The following PPP2R2C variants were observed in gnomAD, a reference collection of about 807,000 sequenced individuals.
PPP2R2C encodes the protein protein phosphatase 2 regulatory subunit Bgamma, also known as protein phosphatase 2, regulatory subunit B, gamma.
A neutral mutation model predicts 45.3 loss-of-function variants in PPP2R2C; 10 were observed. The observed-to-expected ratio is 0.22, with a 90% CI of 0.14 to 0.37. The LOEUF (loss-of-function observed/expected upper bound fraction) is 0.37. Among genes scored for constraint, PPP2R2C ranks in the 10% least tolerant of loss-of-function variants. The pLI is 1.00. For synonymous variants in PPP2R2C, 257 were observed against 245.4 expected (o/e 1.05, Z -0.44); for missense variants, 308 against 619.7 (o/e 0.50, Z 5.34).
At chr4:6,350,331 C>A (rs947106826) in intron 5 of PPP2R2C, 24 of 985,368 alleles carry the variant, frequency 2.4e-5, no homozygotes, top group Admixed American at 6.1e-5. Context: ...CTGAACTTCA[C>A]TAAAGTGGGA....
At chr4:6,450,224 G>C (rs1470133872) in intron 1 of PPP2R2C, among the ~76,000 whole-genome samples, 1 of 12,172 alleles carries the variant, frequency 8.2e-5, no homozygotes, top group Non-Finnish European at 7.7e-3. Flanking sequence ...CTATGGGGTG[G>C]AGTGGGGGGG....
intron 1 of PPP2R2C, among the ~76,000 whole-genome samples, chr4:6,423,272 C>T (rs570753000): frequency 6.6e-5 from 10 of 152,298 alleles, no homozygotes; most frequent in East Asian, 1.9e-4. Flanking sequence ...GGTGCAATCT[C>T]GGCTCACTGC....
chr4:6,477,752 A>AAG (rs1491018946), intron 2 of PPP2R2C, among the ~76,000 whole-genome samples: 1 of 145,794 alleles, frequency 6.9e-6, no homozygotes, highest in Non-Finnish European at 1.5e-5. Flanking sequence ...AAAAAAAAAA[A>AAG]ACTGGAACTG....
intron 1 of PPP2R2C, among the ~76,000 whole-genome samples, chr4:6,546,319 G>A (rs1363410173): frequency 1.3e-5 from 2 of 152,240 alleles, no homozygotes; most frequent in African/African-American, 4.8e-5. Flanking sequence ...GGGTGCACTG[G>A]AGGGGCCGTT....
rs563983100 is a variant in PPP2R2C, at chr4:6,381,078, G to T, written c.87C>A (p.Thr29=). The change falls in exon 2 of 9, where the codon ACC becomes ACA. Residue 29 remains threonine (T), a synonymous_variant. Transcript: ENST00000382599. ...GCTCTCCCGTGTGGTTGAACTCAAC[G>T]GTAGAGATGATGTCAGCTGGGAGGG... ...SYVTEADIIS[T]VEFNHTGELL... 2 of 1,594,704 alleles carry T rather than the reference G, an allele frequency of 1.3e-6. No homozygotes were observed. The highest frequency in any genetic ancestry group is 2.3e-5 in the East Asian group (1 of 44,250).
At chr4:6,370,722 C>T in intron 5 of PPP2R2C, among the ~76,000 whole-genome samples, 1 of 152,192 alleles carries the variant, frequency 6.6e-6, no homozygotes, top group East Asian at 1.9e-4. Context: ...CCCCTGAAGC[C>T]ACCTGGCCCG....
Position 6,378,401 on chromosome 4 carries a change from C to A in PPP2R2C, c.334+6G>T. 1.2e-6 allele frequency: 2 copies of A among 1,614,164 alleles called. No individual in the cohort carries two copies. Among genetic ancestry groups the A allele is most frequent in the South Asian group, 1.1e-5 (1 of 91,080 alleles). ...CCCATGCAAGCGAGGCCGGGCAGCG[C>A]CTCACCGTTGGTGGACAGGAGTGAG... On this transcript the variant is annotated splice_donor_region_variant and intron_variant, in intron 3 of 8. Coordinates refer to ENST00000382599, the MANE Select transcript of PPP2R2C (RefSeq NM_020416.4). The surrounding 1 kb of genome is among the most constrained non-coding windows in gnomAD (Gnocchi z 5.2).
At chr4:6,557,257 C>A (rs1011098525) in intron 1 of PPP2R2C, among the ~76,000 whole-genome samples, 5 of 152,068 alleles carry the variant, frequency 3.3e-5, no homozygotes, top group South Asian at 2.1e-4. Context: ...TTGGTGTTAT[C>A]CAAACACACC....
Position 6,333,772 on chromosome 4 carries a change from C to A in PPP2R2C, c.791-41G>T, listed in dbSNP as rs1732613990. 3 of 1,610,584 alleles carry A rather than the reference C, an allele frequency of 1.9e-6. No homozygotes were observed. The East Asian group carries it at 6.7e-5, about 36-fold the overall frequency. On this transcript the variant is annotated intron_variant, in intron 6 of 8. Transcript: ENST00000382599. The stretch of plus-strand genomic sequence containing the variant: ...AGCAATGGCCGTCACTGCGCTGCTC[C>A]CGCCCATGGGGTTGGCACGACGGAT...
chr4:6,463,185 T>C (rs1361427175), intron 1 of PPP2R2C, among the ~76,000 whole-genome samples: 3 of 152,256 alleles, frequency 2.0e-5, no homozygotes, highest in African/African-American at 7.2e-5. Context: ...CATTCAATTC[T>C]GCCTGAAAGC....
chr4:6,556,754 C>T (rs2108844426), intron 1 of PPP2R2C, among the ~76,000 whole-genome samples: 1 of 152,136 alleles, frequency 6.6e-6, no homozygotes, highest in Middle Eastern at 3.4e-3. Flanking sequence ...ACATGAGCAA[C>T]CAGATTCTCC....
At chr4:6,543,546 C>T (rs907228389) in intron 1 of PPP2R2C, among the ~76,000 whole-genome samples, 6 of 152,198 alleles carry the variant, frequency 3.9e-5, no homozygotes, top group Admixed American at 2.0e-4. Flanking sequence ...CCTGGCCAAA[C>T]CCCGTCTCTA....
intron 6 of PPP2R2C, 50 bp downstream of exon 6, chr4:6,347,796 C>CCCCCCCCGGCCCCAG: frequency 1.0e-6 from 1 of 967,134 alleles, no homozygotes; most frequent in Non-Finnish European, 1.5e-6. Context: ...ACATCCCACC[C>CCCCCCCCGGCCCCAG]GCCCGCCTGC....
At chr4:6,381,766 C>T in intron 1 of PPP2R2C, 2 of 1,608,760 alleles carry the variant, frequency 1.2e-6, no homozygotes, top group Non-Finnish European at 1.7e-6. Flanking sequence ...CTTATGGAGT[C>T]ACCCCCATAC....
intron 2 of PPP2R2C, among the ~76,000 whole-genome samples, chr4:6,494,742 G>A (rs1722819016): frequency 6.6e-6 from 1 of 152,242 alleles, no homozygotes; most frequent in African/African-American, 2.4e-5. Context: ...AGGGATGCAT[G>A]GGAAGGGAGA....
At chr4:6,327,144 A>G (rs916061871) in intron 8 of PPP2R2C, among the ~76,000 whole-genome samples, 2 of 152,182 alleles carry the variant, frequency 1.3e-5, no homozygotes, top group African/African-American at 4.8e-5. Context: ...GCCACTGGAC[A>G]CACCTGAGGT....
At chr4:6,399,375 C>T (rs7671165) in intron 1 of PPP2R2C, among the ~76,000 whole-genome samples, 41,933 of 152,136 alleles carry the variant, frequency 0.28, 6,558 homozygotes, top group East Asian at 0.71. Flanking sequence ...ATCCCCTCAA[C>T]GTAATCGAGT....
intron 1 of PPP2R2C, chr4:6,383,097 G>A (rs1715971907): frequency 9.2e-7 from 1 of 1,086,652 alleles, no homozygotes; most frequent in Non-Finnish European, 1.1e-6. Flanking sequence ...ACGGCAATTC[G>A]ACAAGCCGCA....
rs1031194500 is a variant in PPP2R2C at position 6,332,442 on chromosome 4, C to T, written c.960+1120G>A. Among the ~76,000 whole-genome samples, 1 of 152,134 alleles carries T rather than the reference C, an allele frequency of 6.6e-6. No homozygotes were observed. Among genetic ancestry groups the T allele is most frequent in the Non-Finnish European group, 1.5e-5 (1 of 68,018 alleles). ...GCTGACAAACAGGCGGTCCCCATAG[C>T]GGTCCTTGTGGGTGTGTGGCTTCCA... On this transcript the variant is annotated intron_variant, in intron 7 of 8. Coordinates refer to ENST00000382599, the MANE Select transcript of PPP2R2C (RefSeq NM_020416.4). This position sits in a 1 kb window ranked among gnomAD's most constrained non-coding sequence, Gnocchi z 4.9.
Sources: allele counts gnomAD v4.1 joint callset (sites outside exome capture counted in the v4.1 genomes callset), GRCh38; gene constraint gnomAD v4.1.1; non-coding constraint Gnocchi (gnomAD v3.1); transcripts MANE v1.5; gene names NCBI Gene and HGNC (gene_info 2026-07-23, HGNC 2026-07-21).